The following PAPSS2 variants were observed in gnomAD, a reference collection of about 807,000 sequenced individuals.
PAPSS2 encodes the protein bifunctional 3'-phosphoadenosine 5'-phosphosulfate synthase 2.
PAPSS2 carries 61 observed loss-of-function variants against 66.5 expected under a neutral mutation model. The ratio of observed to expected loss-of-function variants is 0.92; its 90% CI spans 0.75 to 1.14. The LOEUF is 1.14. PAPSS2 is among the 50% of genes most tolerant of loss of function. The pLI, the probability that PAPSS2 is intolerant of heterozygous loss-of-function variation, is 0.00. For missense variants in PAPSS2, 708 were observed against 789.6 expected (o/e 0.90, Z 1.24); for synonymous variants, 289 against 287.5 (o/e 1.01, Z -0.05).
rs111631774 is a variant in PAPSS2, at chr10:87,746,116, A to AT, written c.*146_*147insT. On this transcript the variant is annotated 3_prime_UTR_variant, in exon 13 of 13. Coordinates refer to ENST00000456849, the MANE Select transcript of PAPSS2 (RefSeq NM_001015880.2). The stretch of plus-strand genomic sequence containing the variant: ...AAAGTTGTGTCTATAATTAAAAAAA[A>AT]ATATATATATATACACACACACATA... The AT allele has an allele frequency of 0.047, 28,107 of 597,010 alleles. 2,428 individuals are homozygous for AT. Among genetic ancestry groups the AT allele is most frequent in the East Asian group, 0.34 (10,131 of 29,942 alleles). 37.0% of individuals were successfully genotyped at this position (597,010 alleles called of 1,614,324 possible).
At position 87,741,366 on chromosome 10, in the gene PAPSS2, T is replaced by C; in HGVS notation, c.1218T>C (p.Asn406=). The C allele has an allele frequency of 6.2e-7, 1 of 1,611,054 alleles. No individual in the cohort carries two copies. The highest frequency in any genetic ancestry group is 8.5e-7 in the Non-Finnish European group (1 of 1,177,206). ...TCAAACAGAAATGTAAAGAAATGAA[T>C]GCTGGTATGTAAACTGTTCTTAGTG... ...LELKQKCKEM[N]ADAVFAFQLR... The change falls in exon 10 of 13, where the codon AAT becomes AAC. Residue 406 remains asparagine, a synonymous_variant. Coordinates refer to ENST00000456849, the MANE Select transcript of PAPSS2 (RefSeq NM_001015880.2).
At position 87,713,312 on chromosome 10, in the gene PAPSS2, T is replaced by TAAAAAAGAAAAA; in HGVS notation, c.381+8_381+9insGAAAAAAAAAAA. 1 of 573,438 alleles carries TAAAAAAGAAAAA rather than the reference T, an allele frequency of 1.7e-6. No homozygotes were observed. The highest frequency in any genetic ancestry group is 2.6e-6 in the Non-Finnish European group (1 of 382,484). 35.5% of individuals were successfully genotyped at this position (573,438 alleles called of 1,614,324 possible). A position where few individuals can be genotyped will look rare whatever the true frequency, so the allele number is the denominator to read the frequency against. ...AGCTTTATTTCTCCATTCGCAAAGGTAAAAAAAAAAAAAAAAAAAAAAGGC... is the reference window on the plus strand; with the variant it reads ...AGCTTTATTTCTCCATTCGCAAAGGTAAAAAAGAAAAAAAAAAAAAAAAAAAAAAAAAAAGGC... On this transcript the variant is annotated splice_region_variant and intron_variant, in intron 3 of 12. Coordinates refer to ENST00000456849, the MANE Select transcript of PAPSS2 (RefSeq NM_001015880.2).
chr10:87,694,407 A>G (rs1213511831), intron 1 of PAPSS2, among the ~76,000 whole-genome samples: 3 of 152,188 alleles, frequency 2.0e-5, no homozygotes, highest in African/African-American at 4.8e-5. Flanking sequence ...ACAGGATCTC[A>G]TAGCTACAGG....
At chr10:87,726,727 T>C (rs12781556) in intron 8 of PAPSS2, among the ~76,000 whole-genome samples, 19,539 of 152,252 alleles carry the variant, frequency 0.13, 1,416 homozygotes, top group Non-Finnish European at 0.16. Context: ...AGTAACTTAT[T>C]ATACAAAAAA....
chr10:87,708,298 G>A (rs1040854769), intron 1 of PAPSS2, among the ~76,000 whole-genome samples: 1 of 152,104 alleles, frequency 6.6e-6, no homozygotes, highest in African/African-American at 2.4e-5. Flanking sequence ...ATTTCTGCTG[G>A]GCTTTTTGAA....
chr10:87,707,393 C>T (rs930839032), intron 1 of PAPSS2, among the ~76,000 whole-genome samples: 40 of 152,116 alleles, frequency 2.6e-4, no homozygotes, highest in African/African-American at 6.8e-4. Flanking sequence ...GGGGTGTCTA[C>T]AGTGAATCAT....
At chr10:87,734,932 G>A (rs1411700595) in intron 9 of PAPSS2, among the ~76,000 whole-genome samples, 2 of 151,088 alleles carry the variant, frequency 1.3e-5, no homozygotes, top group Non-Finnish European at 1.5e-5. Flanking sequence ...TTTCTTTTGA[G>A]TCTTCCTCTC....
intron 7 of PAPSS2, among the ~76,000 whole-genome samples, chr10:87,720,992 G>C (rs74146358): frequency 0.017 from 2,538 of 152,246 alleles, 69 homozygotes; most frequent in African/African-American, 0.057. Context: ...CAAGACAGGG[G>C]AGCCTTGTGA....
intron 1 of PAPSS2, among the ~76,000 whole-genome samples, chr10:87,684,596 C>T (rs1203324672): frequency 6.6e-6 from 1 of 152,148 alleles, no homozygotes; most frequent in African/African-American, 2.4e-5. Context: ...TAAGATGCAT[C>T]CTTAGTGTTG....
intron 1 of PAPSS2, among the ~76,000 whole-genome samples, chr10:87,667,091 G>A (rs1852824134): frequency 1.3e-5 from 2 of 152,136 alleles, no homozygotes; most frequent in African/African-American, 4.8e-5. Context: ...CATAAGCATT[G>A]AATTTGTTAT....
In PAPSS2 at chr10:87,734,661, GTGTATATA is replaced by G. The variant is rs1249968031; in HGVS notation, c.1087-6572_1087-6565del. On this transcript the variant is annotated intron_variant, in intron 9 of 12. Coordinates refer to ENST00000456849, the MANE Select transcript of PAPSS2 (RefSeq NM_001015880.2). ...ACTGATAGCACAGAAATGAATGTGT[GTGTATATA>G]TATATATATATATATATATATATAT... 8.7e-4 allele frequency among the ~76,000 whole-genome samples: 79 copies of G among 90,380 alleles called. 1 individual carries two copies. Among genetic ancestry groups the G allele is most frequent in the South Asian group, 6.3e-3 (16 of 2,542 alleles). The allele number at this position is 90,380 out of a possible 152,430, so 59.3% of individuals were successfully genotyped here.
At chr10:87,669,866 A>G (rs1203117870) in intron 1 of PAPSS2, among the ~76,000 whole-genome samples, 1 of 152,234 alleles carries the variant, frequency 6.6e-6, no homozygotes, top group Non-Finnish European at 1.5e-5. Flanking sequence ...TGTTTATTTC[A>G]TAGAGGCAAT....
At chr10:87,739,056 G>A (rs1853834765) in intron 9 of PAPSS2, among the ~76,000 whole-genome samples, 1 of 152,072 alleles carries the variant, frequency 6.6e-6, no homozygotes, top group South Asian at 2.1e-4. Context: ...CCATGTTTTA[G>A]ATGTCATGTC....
chr10:87,707,753 A>G (rs7895424), intron 1 of PAPSS2, among the ~76,000 whole-genome samples: 86,308 of 151,034 alleles, frequency 0.57, 25,908 homozygotes, highest in African/African-American at 0.77. Context: ...TTTATTTTTC[A>G]TAGAGATGAG....
At chr10:87,690,192 G>A (rs1312720735) in intron 1 of PAPSS2, among the ~76,000 whole-genome samples, 2 of 152,064 alleles carry the variant, frequency 1.3e-5, no homozygotes, top group South Asian at 2.1e-4. Context: ...AATCATCCAA[G>A]TATTCATCAA....
intron 7 of PAPSS2, among the ~76,000 whole-genome samples, chr10:87,716,388 C>G (rs570014617): frequency 2.0e-5 from 3 of 152,328 alleles, no homozygotes; most frequent in Admixed American, 1.3e-4. Context: ...TTTCTGGCCA[C>G]GAGCTGAATG....
chr10:87,734,912 C>G (rs1853778523), intron 9 of PAPSS2, among the ~76,000 whole-genome samples: 1 of 151,762 alleles, frequency 6.6e-6, no homozygotes, highest in Non-Finnish European at 1.5e-5. Context: ...ATTCCCTCAT[C>G]TCCAGATTGT....
At chr10:87,715,421 G>A (rs1372514276) in intron 6 of PAPSS2, among the ~76,000 whole-genome samples, 1 of 152,060 alleles carries the variant, frequency 6.6e-6, no homozygotes, top group Non-Finnish European at 1.5e-5. Context: ...GGATTTTTGT[G>A]GATAAAAGAA....
chr10:87,693,744 T>A (rs1174920696), intron 1 of PAPSS2, among the ~76,000 whole-genome samples: 2 of 152,224 alleles, frequency 1.3e-5, no homozygotes, highest in Non-Finnish European at 2.9e-5. Context: ...ACCAGAACTA[T>A]AATTACAACA....
Sources: gnomAD v4.1 joint callset for allele counts (sites outside exome capture counted in the v4.1 genomes callset) on GRCh38, gnomAD v4.1.1 for gene constraint, MANE v1.5 for transcripts, NCBI Gene and HGNC (gene_info 2026-07-23, HGNC 2026-07-21) for gene names.